TMEM230: variants seen among roughly 807,000 people sequenced by gnomAD.
The protein encoded by TMEM230 is transmembrane protein 230.
Under a neutral mutation model 15.8 loss-of-function variants are expected in TMEM230, and 10 were observed. That is an observed-to-expected ratio of 0.63 (90% CI 0.39 to 1.07). The LOEUF is 1.07. Ranked by LOEUF, TMEM230 falls within the 50% of genes least tolerant of loss-of-function variation. The pLI, the probability that TMEM230 is intolerant of heterozygous loss-of-function variation, is 0.01. For synonymous variants in TMEM230, 67 were observed against 76.9 expected (o/e 0.87, Z 0.68); for missense variants, 165 against 193.3 (o/e 0.85, Z 0.87).
intron 3 of TMEM230, among the ~76,000 whole-genome samples, chr20:5,071,589 C>T (rs1014187405): frequency 1.6e-4 from 23 of 147,756 alleles, no homozygotes; most frequent in Non-Finnish European, 3.4e-4. Flanking sequence ...CGCCATTGCA[C>T]TCCAGCCTGG....
At position 5,100,949 on chromosome 20, in the gene TMEM230, C is replaced by T; in HGVS notation, c.412-18G>A. The T allele has an allele frequency of 1.2e-6, 2 of 1,613,800 alleles. No individual in the cohort carries two copies. Among genetic ancestry groups the T allele is most frequent in the African/African-American group, 1.3e-5 (1 of 75,018 alleles). ...TCTGCCCCCTGGTGGCAGAAGGAGG[C>T]AAACACATTAGTACCGTAAGAGTTA... is the stretch of plus-strand genomic sequence containing the variant. On this transcript the variant is annotated intron_variant, in intron 4 of 4. Transcript: ENST00000342308.
At chr20:5,070,616 G>T (rs976342463) in intron 3 of TMEM230, among the ~76,000 whole-genome samples, 6 of 152,214 alleles carry the variant, frequency 3.9e-5, no homozygotes, top group African/African-American at 1.4e-4. Flanking sequence ...GTAGGTGACA[G>T]GTGGCCTCCT....
Position 5,109,409 on chromosome 20 carries a change from G to C in TMEM230, c.211C>G (p.Leu71Val), listed in dbSNP as rs1043307475. Residue 71 changes from leucine (L) to valine (V), a missense_variant, in exon 3 of 5, where the codon CTG (leucine) becomes GTG (valine). Coordinates refer to ENST00000342308, the MANE Select transcript of TMEM230 (RefSeq NM_001009923.2). ...TTACTACTGGGGATTCCAGTAGCCA[G>C]GTTGGTACGGGACGGCATCATAACA... 1.2e-6 allele frequency: 2 copies of C among 1,613,708 alleles called. No individual in the cohort carries two copies. Among genetic ancestry groups the C allele is most frequent in the Non-Finnish European group, 1.7e-6 (2 of 1,179,834 alleles).
chr20:5,092,202 T>C (rs1490473549), intron 3 of TMEM230, among the ~76,000 whole-genome samples: 2 of 152,140 alleles, frequency 1.3e-5, no homozygotes, highest in African/African-American at 4.8e-5. Flanking sequence ...TTCTTGTCCC[T>C]TGCTGGAGGT....
intron 3 of TMEM230, among the ~76,000 whole-genome samples, chr20:5,078,161 G>C (rs2089061242): frequency 6.6e-6 from 1 of 152,174 alleles, no homozygotes; most frequent in Non-Finnish European, 1.5e-5. Context: ...GATTTCCTGG[G>C]TGTGTGACCT....
chr20:5,098,191 G>A (rs890128738), downstream of TMEM230, among the ~76,000 whole-genome samples: 2 of 151,270 alleles, frequency 1.3e-5, no homozygotes, highest in Admixed American at 6.6e-5. Context: ...TGGTCAGGAC[G>A]GTCAAACTCC....
intron 3 of TMEM230, among the ~76,000 whole-genome samples, chr20:5,077,664 T>C (rs1247378477): frequency 6.6e-6 from 1 of 151,952 alleles, no homozygotes; most frequent in Non-Finnish European, 1.5e-5. Flanking sequence ...TGAAACTCCA[T>C]CTCTACTGAA....
chr20:5,094,473 C>G (rs1175758774), intron 3 of TMEM230, among the ~76,000 whole-genome samples: 2 of 151,464 alleles, frequency 1.3e-5, no homozygotes, highest in Non-Finnish European at 2.9e-5. Context: ...CTTTGGGAGG[C>G]TGAGGCGGGA....
At chr20:5,101,011 A>C (rs1466482678) in intron 4 of TMEM230, 80 bp from the exon 4 acceptor site, 2 of 1,540,292 alleles carry the variant, frequency 1.3e-6, no homozygotes, top group Non-Finnish European at 1.8e-6. Context: ...CCTAATCCTT[A>C]GATCAGTATT....
At chr20:5,097,635 TTTTTG>T (rs1458227589), downstream of TMEM230, among the ~76,000 whole-genome samples, 66 of 152,280 alleles carry the variant, frequency 4.3e-4, no homozygotes, top group South Asian at 6.2e-4. Context: ...TTATAATTTT[TTTTTG>T]TTTTATTATT....
downstream of TMEM230, among the ~76,000 whole-genome samples, chr20:5,065,533 G>A (rs1482181240): frequency 6.6e-6 from 1 of 152,118 alleles, no homozygotes; most frequent in Non-Finnish European, 1.5e-5. Context: ...CAGCAGGGGA[G>A]AAGTGGCTGT....
At chr20:5,069,383 C>T (rs2088752602) in intron 3 of TMEM230, 1 of 1,509,900 alleles carries the variant, frequency 6.6e-7, no homozygotes, top group South Asian at 1.3e-5. Context: ...AATTCCACCA[C>T]AAGTTCTGCC....
At chr20:5,077,127 G>C (rs541913695) in intron 3 of TMEM230, among the ~76,000 whole-genome samples, 16 of 151,944 alleles carry the variant, frequency 1.1e-4, no homozygotes, top group African/African-American at 3.4e-4. Context: ...GCAACATAGT[G>C]AGACCCCATC....
chr20:5,075,696 G>A (rs1319054681), intron 3 of TMEM230, among the ~76,000 whole-genome samples: 1 of 152,108 alleles, frequency 6.6e-6, no homozygotes, highest in East Asian at 2.0e-4. Flanking sequence ...CTTCACTCCA[G>A]CCTGGGCGAA....
the TMEM230 span, among the ~76,000 whole-genome samples, chr20:5,063,158 A>G: frequency 2.6e-5 from 4 of 151,662 alleles, no homozygotes; most frequent in East Asian, 7.8e-4. Context: ...GGGGAGGAGG[A>G]AGGGAGGCTG....
At chr20:5,082,570 G>A (rs1338027520) in intron 3 of TMEM230, among the ~76,000 whole-genome samples, 1 of 152,092 alleles carries the variant, frequency 6.6e-6, no homozygotes, top group East Asian at 1.9e-4. Context: ...AGCCTCCTGA[G>A]TAGCTGGGAT....
At chr20:5,088,256 C>T (rs184483177) in intron 3 of TMEM230, among the ~76,000 whole-genome samples, 249 of 149,486 alleles carry the variant, frequency 1.7e-3, no homozygotes, top group African/African-American at 5.7e-3. Context: ...TTGCAGTGAG[C>T]CGAGGTCGTG....
At position 5,100,742 on chromosome 20, in the gene TMEM230, A is replaced by C. The variant is rs762919407; in HGVS notation, c.*49T>G. 1 of 1,600,138 alleles carries C rather than the reference A, an allele frequency of 6.2e-7. No individual in the cohort carries two copies. The highest frequency in any genetic ancestry group is 1.7e-5 in the Admixed American group (1 of 58,416). On this transcript the variant is annotated 3_prime_UTR_variant, in exon 5 of 5. Transcript: ENST00000342308. Reference sequence around the variant, plus strand: ...AGCTATAGTTTCTGCTAGATATCTTAAAGCTGGGACAGTTCCACTGTGACT... The same window carrying C: ...AGCTATAGTTTCTGCTAGATATCTTCAAGCTGGGACAGTTCCACTGTGACT...
At position 5,078,659 on chromosome 20, in the gene TMEM230, G is replaced by A. The variant is rs116278425; in HGVS notation, c.223-9310C>T. Among the ~76,000 whole-genome samples the A allele has an allele frequency of 6.8e-3, 1,030 of 150,436 alleles. 10 individuals carry two copies. Among genetic ancestry groups the A allele is most frequent in the African/African-American group, 0.024 (953 of 39,816 alleles). ...GAAAGTGAAACTGGCGGTTAGAGCC[G>A]CTACTCAGAAATGACACATATTGCT... On this transcript the variant is annotated intron_variant, in intron 3 of 3. Coordinates refer to the TMEM230 transcript ENST00000612323.
Sources: gnomAD v4.1 joint callset for allele counts (sites outside exome capture counted in the v4.1 genomes callset) on GRCh38, gnomAD v4.1.1 for gene constraint, MANE v1.5 for transcripts, NCBI Gene and HGNC (gene_info 2026-07-23, HGNC 2026-07-21) for gene names.